SMG6: variants seen among roughly 807,000 people sequenced by gnomAD.
SMG6 encodes the protein telomerase-binding protein EST1A.
A neutral mutation model predicts 142.2 loss-of-function variants in SMG6; 66 were observed. The observed-to-expected ratio is 0.46, with a 90% CI of 0.38 to 0.57. SMG6 has a LOEUF of 0.57. Among genes scored for constraint, SMG6 ranks in the 20% least tolerant of loss-of-function variants. The probability of loss-of-function intolerance (pLI) is 0.00; values close to 1 mark genes in which losing one functional copy is unlikely to be tolerated. For missense variants in SMG6, 1,793 were observed against 1,832.0 expected, an observed-to-expected ratio of 0.98 and a Z score of 0.39; for synonymous variants, 779 against 702.4, an observed-to-expected ratio of 1.11 and a Z score of -1.72.
At chr17:2,129,817 A>G (rs1273896038) in intron 13 of SMG6, among the ~76,000 whole-genome samples, 4 of 149,328 alleles carry the variant, frequency 2.7e-5, no homozygotes, top group East Asian at 1.9e-4. Context: ...AAAAAAAAAA[A>G]AAAAGAAATC....
intron 10 of SMG6, chr17:2,229,392 T>TG (rs2073407654): frequency 6.6e-6 from 1 of 152,228 alleles, no homozygotes; most frequent in Non-Finnish European, 1.5e-5. Flanking sequence ...AGAACAACAG[T>TG]GCTCAGATTT....
chr17:2,176,425 TAATCTC>T (rs769657867), intron 12 of SMG6, among the ~76,000 whole-genome samples: 38 of 152,230 alleles, frequency 2.5e-4, no homozygotes, highest in Non-Finnish European at 4.3e-4. Context: ...GTTTCCCAAA[TAATCTC>T]AAACAACTTT....
chr17:2,096,500 C>T (rs906996103), intron 13 of SMG6, among the ~76,000 whole-genome samples: 1 of 152,110 alleles, frequency 6.6e-6, no homozygotes, highest in East Asian at 1.9e-4. Flanking sequence ...TGAGCCACTG[C>T]GCCTGGCTAA....
At position 2,277,160 on chromosome 17, in the gene SMG6, TATTTATTTTTTA is replaced by T. The variant is rs746475985; in HGVS notation, c.2661+5475_2661+5486del. Among the ~76,000 whole-genome samples, 726 of 78,212 alleles carry T rather than the reference TATTTATTTTTTA, an allele frequency of 9.3e-3. 22 individuals are homozygous for T. Among genetic ancestry groups the T allele is most frequent in the South Asian group, 0.063 (201 of 3,182 alleles). The allele number at this position is 78,212 out of a possible 152,430, so 51.3% of individuals were successfully genotyped here. ...TTATTTATTTATTTATTTATTTATT[TATTTATTTTTTA>T]TTTTTTTTTTTTTTGAGACAGAGTC... On this transcript the variant is annotated intron_variant, in intron 8 of 18. Coordinates refer to ENST00000263073, the MANE Select transcript of SMG6 (RefSeq NM_017575.5).
chr17:2,255,513 G>C (rs2074152221), intron 8 of SMG6, among the ~76,000 whole-genome samples: 1 of 151,716 alleles, frequency 6.6e-6, no homozygotes, highest in African/African-American at 2.4e-5. Flanking sequence ...GGTTGTTCTG[G>C]ATGTTTAGAA....
chr17:2,061,959 A>C (rs1310984334), intron 18 of SMG6: 3 of 197,580 alleles, frequency 1.5e-5, no homozygotes, highest in African/African-American at 4.7e-5. Flanking sequence ...TTTTTACCAC[A>C]TGGCTGGCCC....
intron 13 of SMG6, among the ~76,000 whole-genome samples, chr17:2,117,471 C>T (rs550471596): frequency 6.6e-6 from 1 of 152,134 alleles, no homozygotes; most frequent in Admixed American, 6.5e-5. Context: ...AAGGATACAT[C>T]AATATACAAA....
At chr17:2,202,040 T>G (rs2151725855) in intron 10 of SMG6, among the ~76,000 whole-genome samples, 2 of 151,524 alleles carry the variant, frequency 1.3e-5, no homozygotes, top group East Asian at 3.9e-4. Flanking sequence ...AAAAAAAAAG[T>G]TAAGTACCAA....
At chr17:2,293,207 T>C (rs2075077290) in intron 4 of SMG6, among the ~76,000 whole-genome samples, 1 of 152,146 alleles carries the variant, frequency 6.6e-6, no homozygotes, top group South Asian at 2.1e-4. Flanking sequence ...GATACAAAAT[T>C]TAGTGAGAAA....
intron 10 of SMG6, among the ~76,000 whole-genome samples, chr17:2,219,167 C>T (rs1008410907): frequency 6.6e-6 from 1 of 151,694 alleles, no homozygotes; most frequent in East Asian, 2.0e-4. Flanking sequence ...GGTGGATCCC[C>T]TGAGGTCAGG....
intron 14 of SMG6, chr17:2,082,362 C>A: frequency 5.7e-6 from 1 of 176,358 alleles, no homozygotes. Flanking sequence ...CAACTTAAAT[C>A]TAATTCATGC....
chr17:2,064,373 GGT>G (rs1323242441), intron 18 of SMG6, among the ~76,000 whole-genome samples: 2 of 152,260 alleles, frequency 1.3e-5, no homozygotes, highest in Admixed American at 1.3e-4. Context: ...TTGAGGGTGA[GGT>G]GGTCAAGCGC....
At chr17:2,187,998 G>C (rs2072043978) in intron 11 of SMG6, among the ~76,000 whole-genome samples, 1 of 152,128 alleles carries the variant, frequency 6.6e-6, no homozygotes. Flanking sequence ...AGTCTCCCAT[G>C]ATGGCTGGTC....
At chr17:2,282,525 G>A in intron 8 of SMG6, 122 bp downstream of exon 8, 1 of 861,562 alleles carries the variant, frequency 1.2e-6, no homozygotes, top group South Asian at 1.5e-5. Context: ...CCATCAGGGA[G>A]CCTCAAGTGG....
intron 10 of SMG6, among the ~76,000 whole-genome samples, chr17:2,233,997 A>G (rs1463520311): frequency 6.6e-6 from 1 of 151,038 alleles, no homozygotes; most frequent in Non-Finnish European, 1.5e-5. Context: ...CTCAACCCAT[A>G]CTCTTCTTGG....
intron 12 of SMG6, 22 bp downstream of exon 12, chr17:2,186,641 A>G: frequency 6.2e-7 from 1 of 1,613,532 alleles, no homozygotes; most frequent in South Asian, 1.1e-5. Context: ...GTGGTGCTGA[A>G]GCAATGGGCA....
chr17:2,073,477 A>G (rs958707088), intron 15 of SMG6, among the ~76,000 whole-genome samples: 1 of 150,408 alleles, frequency 6.6e-6, no homozygotes, highest in African/African-American at 2.4e-5. Flanking sequence ...TTGGGAGGCC[A>G]AGGCGGGTGG....
intron 10 of SMG6, among the ~76,000 whole-genome samples, chr17:2,211,141 A>G (rs980241013): frequency 6.6e-6 from 1 of 151,772 alleles, no homozygotes; most frequent in Non-Finnish European, 1.5e-5. Context: ...AGAACATGCT[A>G]TAACAGGATG....
At chr17:2,277,852 C>T (rs2074696185) in intron 8 of SMG6, among the ~76,000 whole-genome samples, 1 of 152,038 alleles carries the variant, frequency 6.6e-6, no homozygotes, top group South Asian at 2.1e-4. Context: ...TGAGACCAGC[C>T]TAAGCAACAT....
Sources: allele counts gnomAD v4.1 joint callset (sites outside exome capture counted in the v4.1 genomes callset), GRCh38; gene constraint gnomAD v4.1.1; transcripts MANE v1.5; gene names NCBI Gene and HGNC (gene_info 2026-07-23, HGNC 2026-07-21).